The following IL1RAPL2 variants were observed in gnomAD, a reference collection of about 807,000 sequenced individuals.
IL1RAPL2 encodes the protein X-linked interleukin-1 receptor accessory protein-like 2.
A neutral mutation model predicts 44.1 loss-of-function variants in IL1RAPL2; 3 were observed. That is an observed-to-expected ratio of 0.07 (90% CI 0.03 to 0.18). The LOEUF is 0.18. Among genes scored for constraint, IL1RAPL2 ranks in the 10% least tolerant of loss-of-function variants. The pLI is 1.00. For missense variants in IL1RAPL2, 391 were observed against 496.4 expected, an observed-to-expected ratio of 0.79 and a Z score of 2.02; for synonymous variants, 181 against 178.8, an observed-to-expected ratio of 1.01 and a Z score of -0.10.
chrX:104,740,997 A>G (rs1240481689), intron 2 of IL1RAPL2, among the ~76,000 whole-genome samples: 3 of 111,356 alleles, frequency 2.7e-5, no homozygotes, highest in East Asian at 5.7e-4. Context: ...TTTGATATCA[A>G]TGTGTCTTAA....
chrX:105,252,248 T>C (rs151163737), intron 4 of IL1RAPL2, among the ~76,000 whole-genome samples: 54 of 111,899 alleles, frequency 4.8e-4, no homozygotes, highest in Non-Finnish European at 1.9e-5. Flanking sequence ...ATCTATGTTA[T>C]GACATATATC....
chrX:105,575,029 T>G, intron 6 of IL1RAPL2, among the ~76,000 whole-genome samples: 1 of 112,032 alleles, frequency 8.9e-6, no homozygotes, highest in East Asian at 2.8e-4. Flanking sequence ...CTTCTGAATA[T>G]ATATGCCAAA....
intron 5 of IL1RAPL2, among the ~76,000 whole-genome samples, chrX:105,437,389 A>G (rs2147753726): frequency 9.0e-6 from 1 of 111,147 alleles, no homozygotes; most frequent in Non-Finnish European, 1.9e-5. Flanking sequence ...ATTAGATCTC[A>G]GTGAGAGTAA....
At chrX:104,633,449 C>T (rs1218918459) in intron 1 of IL1RAPL2, among the ~76,000 whole-genome samples, 2 of 111,724 alleles carry the variant, frequency 1.8e-5, no homozygotes. Flanking sequence ...TGGTAGAATT[C>T]AGCTGTGAAT....
intron 2 of IL1RAPL2, among the ~76,000 whole-genome samples, chrX:105,127,510 A>G (rs750049161): frequency 1.8e-5 from 2 of 111,164 alleles, no homozygotes; most frequent in East Asian, 2.8e-4. Flanking sequence ...GGATTGGAAG[A>G]AACAGAACTT....
chrX:105,457,363 A>G (rs1023128224), intron 5 of IL1RAPL2, among the ~76,000 whole-genome samples: 23 of 110,629 alleles, frequency 2.1e-4, no homozygotes, highest in African/African-American at 7.2e-4. Context: ...ATTTTTAACC[A>G]TCTCCAACAT....
At chrX:105,284,312 C>G (rs907327908) in intron 5 of IL1RAPL2, among the ~76,000 whole-genome samples, 1 of 112,114 alleles carries the variant, frequency 8.9e-6, no homozygotes, top group Non-Finnish European at 1.9e-5. Context: ...CTTTTGGATT[C>G]TTCCAATTTC....
chrX:105,207,588 A>G (rs1415096294), intron 3 of IL1RAPL2, among the ~76,000 whole-genome samples: 2 of 111,557 alleles, frequency 1.8e-5, no homozygotes, highest in Non-Finnish European at 3.8e-5. Context: ...TGCATCCCCT[A>G]TAAGTTTCTT....
intron 6 of IL1RAPL2, among the ~76,000 whole-genome samples, chrX:105,501,757 A>G (rs1427895472): frequency 8.9e-6 from 1 of 112,182 alleles, no homozygotes; most frequent in East Asian, 2.8e-4. Context: ...TGCTAATACA[A>G]AATCTAGTTG....
chrX:104,883,130 C>G (rs773429298), intron 2 of IL1RAPL2, among the ~76,000 whole-genome samples: 33 of 111,727 alleles, frequency 3.0e-4, no homozygotes, highest in Non-Finnish European at 5.5e-4. Flanking sequence ...CAGAAGGAAC[C>G]AATTCCAGAC....
intron 2 of IL1RAPL2, among the ~76,000 whole-genome samples, chrX:105,165,570 A>G (rs1468207403): frequency 8.9e-6 from 1 of 112,362 alleles, no homozygotes. Flanking sequence ...GCTAATCATT[A>G]GAGATCCTTC....
intron 2 of IL1RAPL2, among the ~76,000 whole-genome samples, chrX:104,867,401 TCC>T (rs1308001170): frequency 9.0e-6 from 1 of 111,434 alleles, no homozygotes; most frequent in Non-Finnish European, 1.9e-5. Flanking sequence ...CTCTTCTCTT[TCC>T]CTACTAAATA....
intron 6 of IL1RAPL2, among the ~76,000 whole-genome samples, chrX:105,586,533 GC>G (rs2037130052): frequency 9.0e-6 from 1 of 111,642 alleles, no homozygotes; most frequent in African/African-American, 3.3e-5. Context: ...TTTGGTTTAT[GC>G]CCAGAGAAGC....
chrX:104,584,619 C>T (rs1928471799), intron 1 of IL1RAPL2, among the ~76,000 whole-genome samples: 1 of 110,770 alleles, frequency 9.0e-6, no homozygotes. Context: ...TTGAAAAGCT[C>T]CTAAGTGAAA....
intron 2 of IL1RAPL2, among the ~76,000 whole-genome samples, chrX:105,029,325 T>C (rs1177811631): frequency 9.4e-6 from 1 of 105,942 alleles, no homozygotes; most frequent in Non-Finnish European, 1.9e-5. Flanking sequence ...TATGTATACA[T>C]GTGCCATGTT....
intron 2 of IL1RAPL2, among the ~76,000 whole-genome samples, chrX:104,673,557 C>T: frequency 9.0e-6 from 1 of 110,958 alleles, no homozygotes; most frequent in Non-Finnish European, 1.9e-5. Context: ...GTTCTTTTGG[C>T]TTAGGATTGA....
intron 2 of IL1RAPL2, among the ~76,000 whole-genome samples, chrX:104,960,213 G>A (rs1210893032): frequency 8.9e-6 from 1 of 111,750 alleles, no homozygotes; most frequent in Non-Finnish European, 1.9e-5. Flanking sequence ...TAGCTTGTGA[G>A]GTTAACTCTA....
intron 2 of IL1RAPL2, among the ~76,000 whole-genome samples, chrX:105,094,542 T>C (rs143434750): frequency 0.02 from 2,272 of 111,705 alleles, 75 homozygotes; most frequent in African/African-American, 0.07. Flanking sequence ...ACTCCATTGA[T>C]CTATGCATCT....
intron 1 of IL1RAPL2, chrX:104,647,447 G>A: frequency 1.7e-6 from 1 of 602,856 alleles, no homozygotes; most frequent in South Asian, 2.2e-5. Flanking sequence ...CACCTCTTTG[G>A]CTTCCACTGC....
Sources: gnomAD v4.1 joint callset for allele counts (sites outside exome capture counted in the v4.1 genomes callset) on GRCh38, gnomAD v4.1.1 for gene constraint, MANE v1.5 for transcripts, NCBI Gene and HGNC (gene_info 2026-07-23, HGNC 2026-07-21) for gene names.